Variants in RNF115 observed in about 807,000 individuals in gnomAD.
The protein encoded by RNF115 is E3 ubiquitin-protein ligase RNF115.
Under a neutral mutation model 39.2 loss-of-function variants are expected in RNF115, and 31 were observed. The ratio of observed to expected loss-of-function variants is 0.79; its 90% CI spans 0.59 to 1.07. The LOEUF (loss-of-function observed/expected upper bound fraction) is 1.07, where lower values mean the gene tolerates loss of function less well. RNF115 is among the 50% of genes least tolerant of loss of function. The pLI, the probability that RNF115 is intolerant of heterozygous loss-of-function variation, is 0.00. For missense variants in RNF115, 384 were observed against 381.7 expected (o/e 1.01, Z -0.05); for synonymous variants, 124 against 131.0 (o/e 0.95, Z 0.37).
chr1:145,765,588 CAA>C lies in RNF115; in HGVS notation c.428+6121_428+6122del, dbSNP rs1647222526. Among the ~76,000 whole-genome samples, 10 of 152,168 alleles carry C rather than the reference CAA, an allele frequency of 6.6e-5. 1 individual carries two copies. In the South Asian group the frequency reaches 2.1e-3, roughly 32 times the overall value. On this transcript the variant is annotated intron_variant, in intron 4 of 8. Coordinates refer to ENST00000582693, the MANE Select transcript of RNF115 (RefSeq NM_014455.4). ...TTGATTTCTTGATACTTGAGAAATT[CAA>C]AGACAAGAGTATGCTAACAAACAAA...
At chr1:145,773,848 C>G (rs1223612383) in intron 3 of RNF115, 1 of 151,346 alleles carries the variant, frequency 6.6e-6, no homozygotes, top group African/African-American at 2.4e-5. Flanking sequence ...GGTGGCAGTC[C>G]TTTGGAGAAA....
chr1:145,752,890 G>T, intron 5 of RNF115, 88 bp downstream of exon 5: 1 of 943,588 alleles, frequency 1.1e-6, no homozygotes, highest in Non-Finnish European at 1.7e-6. Context: ...CCCGGCCTAT[G>T]CAGCTCTTTT....
At chr1:145,792,290 T>C (rs587771768) in intron 1 of RNF115, among the ~76,000 whole-genome samples, 1 of 152,160 alleles carries the variant, frequency 6.6e-6, no homozygotes, top group South Asian at 2.1e-4. Flanking sequence ...TAAGCTGTAT[T>C]TGGCTCTTCA....
At chr1:145,758,097 T>A (rs1157650107) in intron 4 of RNF115, among the ~76,000 whole-genome samples, 1 of 152,180 alleles carries the variant, frequency 6.6e-6, no homozygotes, top group Non-Finnish European at 1.5e-5. Context: ...CTAATTCTCT[T>A]CTCCTTGAAT....
chr1:145,797,882 A>G (rs1196557898), intron 1 of RNF115, among the ~76,000 whole-genome samples: 1 of 152,086 alleles, frequency 6.6e-6, no homozygotes, highest in African/African-American at 2.4e-5. Flanking sequence ...TTTGATTTGG[A>G]TCTCTCTGAT....
chr1:145,823,907 G>C lies in RNF115; in HGVS notation c.-34C>G. ...TCCGCCGCGGCCGTCCGAGAGGGCA[G>C]CCGGCCCGTCCCTCGCCAGGCCGCT... On this transcript the variant is annotated 5_prime_UTR_variant, in exon 1 of 9. Coordinates refer to ENST00000582693, the MANE Select transcript of RNF115 (RefSeq NM_014455.4). 3 of 1,447,190 alleles carry C rather than the reference G, an allele frequency of 2.1e-6. No individual in the cohort carries two copies. Among genetic ancestry groups the C allele is most frequent in the Non-Finnish European group, 2.8e-6 (3 of 1,086,366 alleles). The allele number at this position is 1,447,190 out of a possible 1,614,324, so 89.6% of individuals were successfully genotyped here.
At position 145,767,273 on chromosome 1, in the gene RNF115, G is replaced by A. The variant is rs371352100; in HGVS notation, c.428+4438C>T. On this transcript the variant is annotated intron_variant, in intron 4 of 8. Transcript: ENST00000582693. ...TTCTCAGACGGTGTGGCTGCCCGGC[G>A]GAGGAGCTTCTCACTTCTCAGACAG... Among the ~76,000 whole-genome samples the A allele has an allele frequency of 1.8e-4, 24 of 130,666 alleles. 1 individual carries two copies. In the East Asian group the frequency reaches 2.5e-3, roughly 13 times the overall value. 85.7% of individuals were successfully genotyped at this position (130,666 alleles called of 152,430 possible).
chr1:145,752,264 G>GA (rs1452675377), intron 5 of RNF115, among the ~76,000 whole-genome samples: 1 of 151,746 alleles, frequency 6.6e-6, no homozygotes, highest in Non-Finnish European at 1.5e-5. Context: ...CTCTTACTTT[G>GA]AAAAAAATGA....
intron 7 of RNF115, among the ~76,000 whole-genome samples, chr1:145,749,034 T>A (rs1332573204): frequency 6.6e-6 from 1 of 152,088 alleles, no homozygotes; most frequent in African/African-American, 2.4e-5. Flanking sequence ...AAAGCCCTCT[T>A]CTCTGAGAAG....
At chr1:145,781,243 T>A (rs1648134365) in intron 3 of RNF115, among the ~76,000 whole-genome samples, 2 of 152,160 alleles carry the variant, frequency 1.3e-5, no homozygotes, top group Non-Finnish European at 2.9e-5. Flanking sequence ...AATTCAGCTA[T>A]CAGTAAATGT....
intron 1 of RNF115, among the ~76,000 whole-genome samples, chr1:145,812,854 CA>C: frequency 6.8e-6 from 1 of 148,066 alleles, no homozygotes; most frequent in South Asian, 2.2e-4. Flanking sequence ...CTCCTGAGCT[CA>C]AGTTATCCAC....
chr1:145,752,585 C>CTTTTTTTTTTTTTTTTTT (rs60257682), intron 5 of RNF115, among the ~76,000 whole-genome samples: 4 of 83,762 alleles, frequency 4.8e-5, no homozygotes, highest in African/African-American at 2.3e-4. Context: ...CTATGCAGCT[C>CTTTTTTTTTTTTTTTTTT]TTTTTTTTTT....
At chr1:145,796,527 C>A (rs1648990018) in intron 1 of RNF115, among the ~76,000 whole-genome samples, 1 of 151,602 alleles carries the variant, frequency 6.6e-6, no homozygotes. Context: ...CCTGAGACTA[C>A]AGGTGCATCC....
At chr1:145,794,562 T>G (rs1195254592) in intron 1 of RNF115, among the ~76,000 whole-genome samples, 1 of 134,220 alleles carries the variant, frequency 7.5e-6, no homozygotes, top group Non-Finnish European at 1.5e-5. Context: ...CAGGCTGGAG[T>G]GCAGTGGTGC....
At chr1:145,798,205 GA>G (rs1649071414) in intron 1 of RNF115, among the ~76,000 whole-genome samples, 1 of 152,178 alleles carries the variant, frequency 6.6e-6, no homozygotes, top group African/African-American at 2.4e-5. Context: ...TCATATGCCA[GA>G]AATCACTGCC....
At position 145,750,469 on chromosome 1, in the gene RNF115, G is replaced by A; in HGVS notation, c.605C>T (p.Pro202Leu). ...LLGQLENTGP[P>L]PADKEKITSL... ...TGTGATCTTTTCCTTGTCAGCTGGGGGAGGGCCTGTGTTTTCCAGTTGTCC... is the reference window on the plus strand; with the variant it reads ...TGTGATCTTTTCCTTGTCAGCTGGGAGAGGGCCTGTGTTTTCCAGTTGTCC... Residue 202 changes from proline (P) to leucine (L), a missense_variant, in exon 7 of 9, where the codon CCC (proline) becomes CTC (leucine). Coordinates refer to ENST00000582693, the MANE Select transcript of RNF115 (RefSeq NM_014455.4). 2 of 1,614,036 alleles carry A rather than the reference G, an allele frequency of 1.2e-6. No individual in the cohort carries two copies. Among genetic ancestry groups the A allele is most frequent in the Non-Finnish European group, 1.7e-6 (2 of 1,179,946 alleles).
In RNF115 at chr1:145,823,846, C is replaced by T. The variant is rs587662820; in HGVS notation, c.28G>A (p.Asp10Asn). The T allele has an allele frequency of 6.4e-7, 1 of 1,564,198 alleles. No individual in the cohort carries two copies. Among genetic ancestry groups the T allele is most frequent in the Non-Finnish European group, 8.6e-7 (1 of 1,159,480 alleles). MAEASAAGA[D>N]SGAAVAAHRF... ...TGGGCGGCTACAGCGGCGCCCGAGT[C>T]CGCCCCGGCCGCCGAAGCCTCCGCC... The change falls in exon 1 of 9, where the codon GAC becomes AAC. Residue 10 changes from aspartate to asparagine, a missense_variant. Coordinates refer to ENST00000582693, the MANE Select transcript of RNF115 (RefSeq NM_014455.4).
rs1657821281 is a variant in RNF115 at position 145,745,100 on chromosome 1, A to T, written c.*1766T>A. ...AACTCCTGAAGACCAATGAATTACC[A>T]AAAACAGTGAACTGGCTGCAGACAC... is the stretch of plus-strand genomic sequence containing the variant. On this transcript the variant is annotated 3_prime_UTR_variant, in exon 9 of 9. Transcript: ENST00000582693. The T allele has an allele frequency of 6.6e-6, 1 of 152,234 alleles. No homozygotes were observed. Among genetic ancestry groups the T allele is most frequent in the African/African-American group, 2.4e-5 (1 of 41,450 alleles). The allele number at this position is 152,234 out of a possible 1,614,324, so 9.4% of individuals were successfully genotyped here. A position where few individuals can be genotyped will look rare whatever the true frequency, so the allele number is the denominator to read the frequency against.
At chr1:145,802,398 C>T (rs1649290430) in intron 1 of RNF115, among the ~76,000 whole-genome samples, 1 of 152,164 alleles carries the variant, frequency 6.6e-6, no homozygotes, top group Admixed American at 6.5e-5. Context: ...ATTTCTTTTG[C>T]CTCCCGTATT....
Sources: allele counts gnomAD v4.1 joint callset (sites outside exome capture counted in the v4.1 genomes callset), GRCh38; gene constraint gnomAD v4.1.1; transcripts MANE v1.5; gene names NCBI Gene and HGNC (gene_info 2026-07-23, HGNC 2026-07-21).